BZW2: variants seen among roughly 807,000 people sequenced by gnomAD.
BZW2 encodes eIF5-mimic protein 1.
A neutral mutation model predicts 53.2 loss-of-function variants in BZW2; 23 were observed. The ratio of observed to expected loss-of-function variants is 0.43; its 90% CI spans 0.31 to 0.61. The LOEUF (loss-of-function observed/expected upper bound fraction) is 0.61, where lower values mean the gene tolerates loss of function less well. BZW2 is among the 20% of genes least tolerant of loss of function. The probability of loss-of-function intolerance (pLI) is 0.09; values close to 1 mark genes in which losing one functional copy is unlikely to be tolerated. For synonymous variants in BZW2, 227 were observed against 186.4 expected (o/e 1.22, Z -1.77); for missense variants, 409 against 503.1 (o/e 0.81, Z 1.79).
At chr7:16,665,552 A>T in intron 2 of BZW2, 51 bp downstream of exon 2, 1 of 1,591,790 alleles carries the variant, frequency 6.3e-7, no homozygotes, top group Non-Finnish European at 8.6e-7. Context: ...ACCAAAATAT[A>T]AGATTGGAGA....
chr7:16,700,610 C>T (rs1783635760), intron 10 of BZW2: 1 of 152,150 alleles, frequency 6.6e-6, no homozygotes, highest in Non-Finnish European at 1.5e-5. Context: ...TTCATTTTAA[C>T]AAGTTTCCAA....
At chr7:16,668,219 G>A (rs1421113285) in intron 2 of BZW2, among the ~76,000 whole-genome samples, 1 of 152,112 alleles carries the variant, frequency 6.6e-6, no homozygotes, top group Non-Finnish European at 1.5e-5. Flanking sequence ...TCAAGAGAGG[G>A]CCTCAGAATG....
chr7:16,705,424 G>A (rs566779062), intron 11 of BZW2, among the ~76,000 whole-genome samples: 83 of 151,858 alleles, frequency 5.5e-4, no homozygotes, highest in South Asian at 1.0e-3. Context: ...GGTGGCTCAC[G>A]CCTGTAATCC....
intron 4 of BZW2, 80 bp downstream of exon 4, chr7:16,681,484 T>A: frequency 8.8e-7 from 1 of 1,141,296 alleles, no homozygotes; most frequent in South Asian, 1.4e-5. Context: ...CACCCACTTT[T>A]TAAATAGGAA....
intron 2 of BZW2, among the ~76,000 whole-genome samples, chr7:16,672,097 G>T (rs557936051): frequency 7.9e-5 from 12 of 152,090 alleles, no homozygotes; most frequent in Non-Finnish European, 2.9e-5. Flanking sequence ...GGAAACTTCA[G>T]ATAATTGCTT....
chr7:16,647,223 T>C (rs1166339080), intron 1 of BZW2, among the ~76,000 whole-genome samples: 2 of 152,238 alleles, frequency 1.3e-5, no homozygotes, highest in Admixed American at 6.5e-5. Context: ...TTAGTGTTTA[T>C]GTTTTACTGT....
intron 8 of BZW2, among the ~76,000 whole-genome samples, chr7:16,696,417 A>C (rs1783490386): frequency 6.6e-6 from 1 of 152,264 alleles, no homozygotes; most frequent in East Asian, 1.9e-4. Flanking sequence ...ATTTATTTAC[A>C]AATTAACTTT....
At chr7:16,649,685 A>G (rs1206655820) in intron 1 of BZW2, among the ~76,000 whole-genome samples, 1 of 152,164 alleles carries the variant, frequency 6.6e-6, no homozygotes, top group African/African-American at 2.4e-5. Flanking sequence ...ATATTTGATA[A>G]TAAGAAATTT....
chr7:16,705,417 G>A (rs947799639), intron 11 of BZW2, among the ~76,000 whole-genome samples: 4 of 152,070 alleles, frequency 2.6e-5, no homozygotes, highest in African/African-American at 9.7e-5. Flanking sequence ...CAGGCACGGT[G>A]GCTCACGCCT....
At chr7:16,652,923 G>C (rs1456020761) in intron 1 of BZW2, among the ~76,000 whole-genome samples, 1 of 152,184 alleles carries the variant, frequency 6.6e-6, no homozygotes, top group Non-Finnish European at 1.5e-5. Flanking sequence ...CTTCTGTAAA[G>C]TTGTGTTGGG....
chr7:16,661,107 A>G (rs1296847189), intron 1 of BZW2: 1 of 152,146 alleles, frequency 6.6e-6, no homozygotes, highest in Non-Finnish European at 1.5e-5. Context: ...TATGCATAGC[A>G]CATGTTAGTA....
At chr7:16,674,671 T>G in intron 3 of BZW2, 83 bp downstream of exon 3, 1 of 1,193,164 alleles carries the variant, frequency 8.4e-7, no homozygotes, top group Non-Finnish European at 1.1e-6. Flanking sequence ...ATAGAGTCTT[T>G]ATAAGTTTAT....
intron 3 of BZW2, 105 bp downstream of exon 3, chr7:16,674,693 T>TC: frequency 4.0e-6 from 4 of 1,007,554 alleles, no homozygotes; most frequent in Non-Finnish European, 5.3e-6. Context: ...TTTATTAGAG[T>TC]TAATAAAAAT....
intron 6 of BZW2, among the ~76,000 whole-genome samples, chr7:16,689,158 G>A (rs1353745930): frequency 6.6e-6 from 1 of 152,114 alleles, no homozygotes; most frequent in African/African-American, 2.4e-5. Flanking sequence ...CCCAGGAGGT[G>A]AAGATTGCAG....
chr7:16,685,876 CTTTTTTTT>C (rs34699573), intron 5 of BZW2, 21 bp from the exon 6 acceptor site: 122 of 1,294,466 alleles, frequency 9.4e-5, no homozygotes, highest in African/African-American at 1.3e-4. Flanking sequence ...TTTTCTTTTT[CTTTTTTTT>C]TTTTTTTTTT....
At chr7:16,652,228 G>C (rs565624640) in intron 1 of BZW2, among the ~76,000 whole-genome samples, 1 of 152,084 alleles carries the variant, frequency 6.6e-6, no homozygotes, top group Non-Finnish European at 1.5e-5. Flanking sequence ...TCCATTCCGC[G>C]TGGATGCCAC....
At position 16,698,062 on chromosome 7, in the gene BZW2, G is replaced by C; in HGVS notation, c.984G>C (p.Leu328=). The change falls in exon 10 of 12, where the codon CTG becomes CTC. Residue 328 remains leucine (L), a synonymous_variant. Transcript: ENST00000258761. ...TTCTGTTCTAGCAATATGCTCCCCTGCTGGCCGTGTTCAGCTCCCAAGGCC... is the reference window on the plus strand; with the variant it reads ...TTCTGTTCTAGCAATATGCTCCCCTCCTGGCCGTGTTCAGCTCCCAAGGCC... ...ALKHLKQYAP[L]LAVFSSQGQS... is the part of the protein sequence containing the mutation. The C allele has an allele frequency of 6.2e-7, 1 of 1,614,070 alleles. No homozygotes were observed. The highest frequency in any genetic ancestry group is 8.5e-7 in the Non-Finnish European group (1 of 1,179,966).
chr7:16,706,102 C>G lies in BZW2; in HGVS notation c.*14C>G, dbSNP rs776245243. The G allele has an allele frequency of 1.2e-6, 2 of 1,612,708 alleles. No homozygotes were observed. Among genetic ancestry groups the G allele is most frequent in the South Asian group, 2.2e-5 (2 of 90,914 alleles). The stretch of plus-strand genomic sequence containing the variant: ...GAGGAAAATTAAATGGCTCAACAAG[C>G]ACAATACCTAGGTTACCACACACCA... On this transcript the variant is annotated 3_prime_UTR_variant, in exon 12 of 12. Transcript: ENST00000258761.
Position 16,696,990 on chromosome 7 carries a change from T to G in BZW2, c.898T>G (p.Cys300Gly), listed in dbSNP as rs755277642. 6.2e-7 allele frequency: 1 copy of G among 1,614,132 alleles called. No individual in the cohort carries two copies. Among genetic ancestry groups the G allele is most frequent in the African/African-American group, 1.3e-5 (1 of 75,044 alleles). Residue 300 changes from cysteine to glycine, a missense_variant, in exon 9 of 12, where the codon TGT becomes GGT. By Grantham distance (159) the Cys-to-Gly change is radical. Around this residue, in one of 3 missense-constraint regions of BZW2, gnomAD observed 316 missense variants for 366.8 expected, o/e 0.86. Coordinates refer to ENST00000258761, the MANE Select transcript of BZW2 (RefSeq NM_014038.3). ...AGCAGTGATTGGTCTTCTGTGGACA[T>G]GTATAATGAACGCTGTTGAGTGGAA... The part of the protein sequence containing the change: ...ETAVIGLLWT[C>G]IMNAVEWNKK...
Sources: allele counts gnomAD v4.1 joint callset (sites outside exome capture counted in the v4.1 genomes callset), GRCh38; gene constraint gnomAD v4.1.1; regional missense constraint gnomAD v4.1.1; transcripts MANE v1.5; gene names NCBI Gene and HGNC (gene_info 2026-07-23, HGNC 2026-07-21).